Variants in SLC17A8 observed in about 807,000 individuals in gnomAD.
The protein encoded by SLC17A8 is solute carrier family 17 member 8, also known as vesicular glutamate transporter 3.
Under a neutral mutation model 58.0 loss-of-function variants are expected in SLC17A8, and 31 were observed. The ratio of observed to expected loss-of-function variants is 0.53; its 90% CI spans 0.40 to 0.72. SLC17A8 has a LOEUF of 0.72. SLC17A8 is among the 30% of genes least tolerant of loss of function. The probability of loss-of-function intolerance (pLI) is 0.00; values close to 1 mark genes in which losing one functional copy is unlikely to be tolerated. For synonymous variants in SLC17A8, 228 were observed against 249.0 expected, an observed-to-expected ratio of 0.92 and a Z score of 0.79; for missense variants, 655 against 727.8, an observed-to-expected ratio of 0.90 and a Z score of 1.15.
chr12:100,405,566 A>C (rs1029432747), intron 9 of SLC17A8, among the ~76,000 whole-genome samples: 11 of 152,064 alleles, frequency 7.2e-5, no homozygotes, highest in Middle Eastern at 3.2e-3. Context: ...CAAACCAAGG[A>C]ATGCAAGCAG....
chr12:100,401,890 C>T (rs1487120928), intron 6 of SLC17A8, 27 bp downstream of exon 6: 1 of 1,560,212 alleles, frequency 6.4e-7, no homozygotes, highest in East Asian at 2.2e-5. Context: ...CACAAGTTCA[C>T]ATGTGACTCA....
chr12:100,375,030 T>A (rs1275566366), intron 1 of SLC17A8, among the ~76,000 whole-genome samples: 1 of 151,626 alleles, frequency 6.6e-6, no homozygotes, highest in Non-Finnish European at 1.5e-5. Flanking sequence ...CTGTATGTCT[T>A]CCCTCTGGAA....
At chr12:100,386,086 G>A (rs1952672509) in intron 2 of SLC17A8, among the ~76,000 whole-genome samples, 1 of 152,164 alleles carries the variant, frequency 6.6e-6, no homozygotes, top group Admixed American at 6.5e-5. Flanking sequence ...CAGCTGGATA[G>A]TCCAGATATC....
At chr12:100,362,094 C>T (rs1195607395) in intron 1 of SLC17A8, among the ~76,000 whole-genome samples, 1 of 152,176 alleles carries the variant, frequency 6.6e-6, no homozygotes, top group Non-Finnish European at 1.5e-5. Context: ...TCCTTTGGGG[C>T]AAGTGGGGCA....
At chr12:100,393,569 T>G (rs1952732088) in intron 4 of SLC17A8, 86 bp downstream of exon 4, 9 of 998,826 alleles carry the variant, frequency 9.0e-6, no homozygotes, top group Non-Finnish European at 1.4e-5. Context: ...AAAATCCCCT[T>G]TACTCAGTTT....
chr12:100,395,649 GTT>G (rs1952748353), intron 4 of SLC17A8, among the ~76,000 whole-genome samples: 2 of 149,266 alleles, frequency 1.3e-5, no homozygotes, highest in Admixed American at 1.3e-4. Flanking sequence ...GTCTCGCTCT[GTT>G]GCCCAGGCTG....
chr12:100,391,463 C>A (rs1443845105), intron 3 of SLC17A8, among the ~76,000 whole-genome samples: 5 of 150,618 alleles, frequency 3.3e-5, no homozygotes, highest in African/African-American at 1.2e-4. Context: ...CACCACTACA[C>A]CCAGCTAACT....
chr12:100,396,706 C>T (rs569951992), intron 5 of SLC17A8, among the ~76,000 whole-genome samples: 1 of 151,922 alleles, frequency 6.6e-6, no homozygotes, highest in Admixed American at 6.6e-5. Flanking sequence ...GCTATGATGG[C>T]CACAGCACTC....
At chr12:100,366,378 A>G (rs1205914235) in intron 1 of SLC17A8, among the ~76,000 whole-genome samples, 2 of 152,186 alleles carry the variant, frequency 1.3e-5, no homozygotes, top group Non-Finnish European at 2.9e-5. Flanking sequence ...GTCCATGGAC[A>G]TGAACTCACT....
At chr12:100,394,097 A>AT (rs1218217919) in intron 4 of SLC17A8, among the ~76,000 whole-genome samples, 2 of 151,902 alleles carry the variant, frequency 1.3e-5, no homozygotes, top group African/African-American at 4.8e-5. Context: ...TCTTCTTTTG[A>AT]TTTTTTTTCT....
chr12:100,380,587 T>A, intron 1 of SLC17A8, 114 bp from the exon 2 acceptor site: 2 of 1,031,888 alleles, frequency 1.9e-6, no homozygotes, highest in Non-Finnish European at 3.0e-6. Flanking sequence ...TATTCTACTA[T>A]GGGTCTTCCT....
intron 2 of SLC17A8, among the ~76,000 whole-genome samples, chr12:100,382,650 G>A (rs1487841180): frequency 6.6e-6 from 1 of 152,152 alleles, no homozygotes; most frequent in Non-Finnish European, 1.5e-5. Flanking sequence ...TGCAGGCTGT[G>A]CCATGAAGAA....
intron 1 of SLC17A8, among the ~76,000 whole-genome samples, chr12:100,360,991 T>C (rs576389900): frequency 6.6e-6 from 1 of 152,326 alleles, no homozygotes; most frequent in East Asian, 1.9e-4. Context: ...GTGTCTGTCT[T>C]CAGCATTCAG....
At chr12:100,417,385 C>A (rs1261940716) in intron 10 of SLC17A8, among the ~76,000 whole-genome samples, 2 of 152,176 alleles carry the variant, frequency 1.3e-5, no homozygotes, top group Non-Finnish European at 2.9e-5. Context: ...GTAATATTAT[C>A]CTCATATTGG....
chr12:100,415,644 G>C (rs114893643), intron 10 of SLC17A8, among the ~76,000 whole-genome samples: 2 of 152,058 alleles, frequency 1.3e-5, no homozygotes, highest in Admixed American at 1.3e-4. Context: ...TGCCCAAGCT[G>C]GTCTCGAACT....
intron 1 of SLC17A8, among the ~76,000 whole-genome samples, chr12:100,379,227 G>A (rs180891746): frequency 0.013 from 2,042 of 152,114 alleles, 47 homozygotes; most frequent in African/African-American, 0.043. Flanking sequence ...ACGAGGTCAG[G>A]AGATCGAAAC....
At chr12:100,387,057 C>T (rs1952680577) in intron 2 of SLC17A8, among the ~76,000 whole-genome samples, 1 of 152,178 alleles carries the variant, frequency 6.6e-6, no homozygotes, top group Non-Finnish European at 1.5e-5. Context: ...GTGAATAATG[C>T]TTCAGTGAAC....
At chr12:100,391,231 T>C (rs1952713955) in intron 3 of SLC17A8, 112 bp downstream of exon 3, 1 of 760,412 alleles carries the variant, frequency 1.3e-6, no homozygotes, top group Non-Finnish European at 2.4e-6. Context: ...ACAGGAGCCA[T>C]CTGGATAGAT....
At chr12:100,400,461 T>C (rs1028529460) in intron 5 of SLC17A8, among the ~76,000 whole-genome samples, 1 of 152,190 alleles carries the variant, frequency 6.6e-6, no homozygotes, top group Non-Finnish European at 1.5e-5. Flanking sequence ...GATATTTCAT[T>C]CCCATCTTAT....
Sources: allele counts gnomAD v4.1 joint callset (sites outside exome capture counted in the v4.1 genomes callset), GRCh38; gene constraint gnomAD v4.1.1; transcripts MANE v1.5; gene names NCBI Gene and HGNC (gene_info 2026-07-23, HGNC 2026-07-21).